The following NCAM2 variants were observed in gnomAD, a reference collection of about 807,000 sequenced individuals.
NCAM2 encodes neural cell adhesion molecule 2, also known as N-CAM-2.
In NCAM2, 30 loss-of-function variants were observed where a neutral mutation model predicts 98.1. The observed-to-expected ratio is 0.31, with a 90% CI of 0.23 to 0.41. NCAM2 has a LOEUF of 0.41. Among genes scored for constraint, NCAM2 ranks in the 10% least tolerant of loss-of-function variants. The probability of loss-of-function intolerance (pLI) is 1.00; values close to 1 mark genes in which losing one functional copy is unlikely to be tolerated. For missense variants in NCAM2, 867 were observed against 1,005.8 expected (o/e 0.86, Z 1.87); for synonymous variants, 368 against 342.4 (o/e 1.07, Z -0.83).
At chr21:21,297,101 G>A (rs914696790) in intron 5 of NCAM2, among the ~76,000 whole-genome samples, 2 of 151,734 alleles carry the variant, frequency 1.3e-5, no homozygotes, top group Non-Finnish European at 2.9e-5. Flanking sequence ...ACAAAGTTGA[G>A]TTAATGACTA....
chr21:21,203,801 C>CT (rs368618681), intron 1 of NCAM2, among the ~76,000 whole-genome samples: 2 of 152,016 alleles, frequency 1.3e-5, no homozygotes, highest in Admixed American at 6.6e-5. Flanking sequence ...GTATTGAGAT[C>CT]TTTTTATGTT....
intron 1 of NCAM2, among the ~76,000 whole-genome samples, chr21:21,246,488 GAT>G (rs1212584493): frequency 4.6e-5 from 7 of 152,222 alleles, no homozygotes; most frequent in African/African-American, 1.4e-4. Flanking sequence ...CATACAAAGA[GAT>G]ATGTTATTAC....
chr21:21,300,128 G>C (rs746367303), intron 5 of NCAM2, among the ~76,000 whole-genome samples: 3 of 150,368 alleles, frequency 2.0e-5, no homozygotes, highest in Non-Finnish European at 3.0e-5. Flanking sequence ...GATACAGAGG[G>C]CTGACTGTAT....
chr21:21,074,323 TA>T (rs1601287947), intron 1 of NCAM2, among the ~76,000 whole-genome samples: 2 of 152,184 alleles, frequency 1.3e-5, no homozygotes, highest in East Asian at 3.9e-4. Flanking sequence ...TATTTTACAT[TA>T]ATTTACATTT....
intron 1 of NCAM2, among the ~76,000 whole-genome samples, chr21:21,103,777 A>G (rs140571748): frequency 1.1e-3 from 174 of 152,204 alleles, no homozygotes; most frequent in African/African-American, 4.0e-3. Flanking sequence ...TGAAACAAAT[A>G]GAGTTTTTGT....
intron 8 of NCAM2, among the ~76,000 whole-genome samples, chr21:21,360,739 T>G (rs1186317564): frequency 1.3e-5 from 2 of 151,966 alleles, no homozygotes; most frequent in African/African-American, 4.8e-5. Flanking sequence ...TTTAATTTAC[T>G]TTTCTCCTCT....
chr21:21,190,090 A>G (rs558279213), intron 1 of NCAM2, among the ~76,000 whole-genome samples: 1 of 152,358 alleles, frequency 6.6e-6, no homozygotes, highest in Admixed American at 6.5e-5. Context: ...AATTTGGACT[A>G]TGCAGAAGAG....
chr21:21,048,877 T>A (rs1297417949), intron 1 of NCAM2, among the ~76,000 whole-genome samples: 2 of 152,144 alleles, frequency 1.3e-5, no homozygotes, highest in Non-Finnish European at 2.9e-5. Context: ...GCATTCTTCT[T>A]TGTTGGGTTT....
intron 1 of NCAM2, among the ~76,000 whole-genome samples, chr21:21,279,651 G>A (rs2072858923): frequency 6.6e-6 from 1 of 152,028 alleles, no homozygotes; most frequent in African/African-American, 2.4e-5. Context: ...TCGTTATCTG[G>A]TGTTCTATCA....
At chr21:21,042,293 T>A (rs969755341) in intron 1 of NCAM2, among the ~76,000 whole-genome samples, 32 of 152,218 alleles carry the variant, frequency 2.1e-4, no homozygotes, top group African/African-American at 7.7e-4. Flanking sequence ...CACACGATTC[T>A]CCTGCGTCAG....
chr21:21,478,766 T>C (rs73326836), intron 15 of NCAM2, among the ~76,000 whole-genome samples: 1,559 of 152,288 alleles, frequency 0.01, 29 homozygotes, highest in African/African-American at 0.036. Flanking sequence ...CATTTTATTC[T>C]TAAATCTGAG....
chr21:21,515,307 A>G (rs576143635), intron 16 of NCAM2, among the ~76,000 whole-genome samples: 8 of 152,292 alleles, frequency 5.3e-5, no homozygotes, highest in Non-Finnish European at 1.0e-4. Context: ...TCATGACACC[A>G]CTTGACTTGT....
At chr21:21,375,371 C>A (rs2076009941) in intron 9 of NCAM2, among the ~76,000 whole-genome samples, 1 of 151,398 alleles carries the variant, frequency 6.6e-6, no homozygotes, top group South Asian at 2.1e-4. Flanking sequence ...GAAAGGCAGT[C>A]AACAATAAAA....
intron 4 of NCAM2, among the ~76,000 whole-genome samples, chr21:21,286,840 A>T (rs907802325): frequency 2.0e-5 from 3 of 152,094 alleles, no homozygotes; most frequent in African/African-American, 7.2e-5. Flanking sequence ...AAGCAGTACT[A>T]AGTAAATGAA....
Position 21,538,656 on chromosome 21 carries a change from C to A in NCAM2, c.*699C>A, listed in dbSNP as rs910928480. On this transcript the variant is annotated 3_prime_UTR_variant, in exon 18 of 18. Transcript: ENST00000400546. ...TTAGAAAGACTTTCTAAATCTCTAT[C>A]TCTTTATATATGTCCTATTCATTCA... 1.3e-5 allele frequency: 2 copies of A among 151,968 alleles called. No homozygotes were observed. Among genetic ancestry groups the A allele is most frequent in the Non-Finnish European group, 2.9e-5 (2 of 67,962 alleles). The allele number at this position is 151,968 out of a possible 1,614,324, so 9.4% of individuals were successfully genotyped here. A position where few individuals can be genotyped will look rare whatever the true frequency, so the allele number is the denominator to read the frequency against.
At chr21:21,098,970 A>G (rs1418275070) in intron 1 of NCAM2, among the ~76,000 whole-genome samples, 1 of 151,824 alleles carries the variant, frequency 6.6e-6, no homozygotes, top group African/African-American at 2.4e-5. Context: ...AAGCACTTAT[A>G]AAAAGCTAAG....
chr21:21,078,644 T>C (rs2065729338), intron 1 of NCAM2, among the ~76,000 whole-genome samples: 1 of 152,178 alleles, frequency 6.6e-6, no homozygotes, highest in African/African-American at 2.4e-5. Flanking sequence ...CTCTGGGATC[T>C]AGACCAGCAA....
intron 15 of NCAM2, among the ~76,000 whole-genome samples, chr21:21,492,371 A>G (rs1986911604): frequency 1.3e-5 from 2 of 151,850 alleles, no homozygotes; most frequent in South Asian, 4.1e-4. Context: ...TGTCAGAGGA[A>G]AGGCTATGTG....
At chr21:21,523,406 A>G (rs1989141733) in intron 16 of NCAM2, among the ~76,000 whole-genome samples, 2 of 151,242 alleles carry the variant, frequency 1.3e-5, no homozygotes, top group Non-Finnish European at 2.9e-5. Context: ...GCTTCTGCAT[A>G]TGGATATCTA....
Sources: gnomAD v4.1 joint callset for allele counts (sites outside exome capture counted in the v4.1 genomes callset) on GRCh38, gnomAD v4.1.1 for gene constraint, MANE v1.5 for transcripts, NCBI Gene and HGNC (gene_info 2026-07-23, HGNC 2026-07-21) for gene names.